The following JAKMIP3 variants were observed in gnomAD, a reference collection of about 807,000 sequenced individuals.
JAKMIP3 encodes Janus kinase and microtubule interacting protein 3.
JAKMIP3 carries 58 observed loss-of-function variants against 118.5 expected under a neutral mutation model. That is an observed-to-expected ratio of 0.49 (90% CI 0.40 to 0.61). The LOEUF is 0.61. Ranked by LOEUF, JAKMIP3 falls within the 20% of genes least tolerant of loss-of-function variation. The probability of loss-of-function intolerance (pLI) is 0.00; values close to 1 mark genes in which losing one functional copy is unlikely to be tolerated. For missense variants in JAKMIP3, 950 were observed against 1,109.0 expected (o/e 0.86, Z 2.04); for synonymous variants, 486 against 451.2 (o/e 1.08, Z -0.98).
At position 132,149,555 on chromosome 10, in the gene JAKMIP3, C is replaced by T. The variant is rs768941665; in HGVS notation, c.1947+45C>T. 3.6e-5 allele frequency: 31 copies of T among 865,114 alleles called. 2 individuals carry two copies. Among genetic ancestry groups the T allele is most frequent in the African/African-American group, 3.0e-4 (13 of 42,768 alleles). 53.6% of individuals were successfully genotyped at this position (865,114 alleles called of 1,614,324 possible). On this transcript the variant is annotated intron_variant, in intron 15 of 23. Coordinates refer to ENST00000684848, the MANE Select transcript of JAKMIP3 (RefSeq NM_001323087.2). ...CCCACTCCGCCCCCACCTCACCCATCCCCCGCCCCACCCCCTCTCCGCCCC... is the reference window on the plus strand; with the variant it reads ...CCCACTCCGCCCCCACCTCACCCATTCCCCGCCCCACCCCCTCTCCGCCCC...
intron 1 of JAKMIP3, 103 bp from the exon 2 acceptor site, chr10:132,104,569 T>G: frequency 1.8e-6 from 1 of 541,746 alleles, no homozygotes; most frequent in African/African-American, 1.9e-5. Context: ...AGCACTGCAA[T>G]GAGGTGGGGG....
intron 3 of JAKMIP3, among the ~76,000 whole-genome samples, chr10:132,125,101 G>A (rs921467804): frequency 4.6e-5 from 7 of 152,200 alleles, no homozygotes; most frequent in South Asian, 4.1e-4. Context: ...CCGATTTGTC[G>A]GTTTCTTTTG....
At chr10:132,045,954 ACACT>A (rs1312112693) in intron 1 of JAKMIP3, among the ~76,000 whole-genome samples, 4 of 148,962 alleles carry the variant, frequency 2.7e-5, no homozygotes, top group African/African-American at 7.4e-5. Flanking sequence ...AAAAATACAC[ACACT>A]CTTTATATTC....
chr10:132,100,187 A>ACCCCCACGCACG (rs1564895779), intron 1 of JAKMIP3, among the ~76,000 whole-genome samples: 2 of 151,140 alleles, frequency 1.3e-5, no homozygotes, highest in Admixed American at 6.6e-5. Flanking sequence ...CCCCCCGCAC[A>ACCCCCACGCACG]GACCCCCACA....
chr10:132,080,501 GGATTTTTTTT>G (rs2134186992), intron 1 of JAKMIP3, among the ~76,000 whole-genome samples: 1 of 105,080 alleles, frequency 9.5e-6, no homozygotes, highest in Non-Finnish European at 1.9e-5. Context: ...TCAAGTTATA[GGATTTTTTTT>G]TTTTTTTTTT....
At position 132,090,263 on chromosome 10, in the gene JAKMIP3, T is replaced by G. The variant is rs1188864004; in HGVS notation, c.-137-14409T>G. On this transcript the variant is annotated intron_variant, in intron 1 of 23. Transcript: ENST00000684848. Reference sequence around the variant, plus strand: ...GAGGATTCCCTCTTTTTCTGTTGATTGGAATAGTTTCGGAAAGAATGGTAC... The same window carrying G: ...GAGGATTCCCTCTTTTTCTGTTGATGGGAATAGTTTCGGAAAGAATGGTAC... Among the ~76,000 whole-genome samples, 5 of 152,394 alleles carry G rather than the reference T, an allele frequency of 3.3e-5. No homozygotes were observed. The East Asian group carries it at 7.7e-4, about 23-fold the overall frequency.
chr10:132,068,501 C>T (rs2039291379), intron 1 of JAKMIP3, among the ~76,000 whole-genome samples: 1 of 150,834 alleles, frequency 6.6e-6, no homozygotes, highest in Non-Finnish European at 1.5e-5. Flanking sequence ...GTTTCTTATC[C>T]ATGAACCTCT....
chr10:132,068,997 T>C (rs2039388762), intron 1 of JAKMIP3, among the ~76,000 whole-genome samples: 1 of 152,172 alleles, frequency 6.6e-6, no homozygotes, highest in Non-Finnish European at 1.5e-5. Flanking sequence ...TTGCAGACCT[T>C]ACTGGCCTTA....
intron 23 of JAKMIP3, among the ~76,000 whole-genome samples, chr10:132,171,706 C>A (rs529603817): frequency 7.1e-5 from 10 of 140,488 alleles, no homozygotes; most frequent in African/African-American, 2.7e-4. Context: ...GGCTGGAGTT[C>A]AGTGGCGCGA....
chr10:132,140,331 T>A, intron 9 of JAKMIP3, 120 bp from the exon 10 acceptor site: 1 of 1,397,878 alleles, frequency 7.2e-7, no homozygotes, highest in Non-Finnish European at 9.9e-7. Context: ...GGGACAGAGA[T>A]GGGAGTGTGT....
In JAKMIP3 at chr10:132,074,033, C is replaced by A. The variant is rs149381298; in HGVS notation, c.-138+7972C>A. 4.9e-3 allele frequency among the ~76,000 whole-genome samples: 753 copies of A among 152,200 alleles called. 4 individuals carry two copies. The highest frequency in any genetic ancestry group is 0.017 in the African/African-American group (725 of 41,526). Reference sequence around the variant, plus strand: ...CTTTTGTCTGCATCCTCACCAACATCTGCTATTTTTTGACTTTTGTTTTGT... The same window carrying A: ...CTTTTGTCTGCATCCTCACCAACATATGCTATTTTTTGACTTTTGTTTTGT... On this transcript the variant is annotated intron_variant, in intron 1 of 23. Transcript: ENST00000684848.
rs180949132 is a variant in JAKMIP3, at chr10:132,157,052, G to A, written c.2220+3062G>A. On this transcript the variant is annotated intron_variant, in intron 19 of 23. Transcript: ENST00000684848. ...ATACACATAGTATCTTTGCAAAAGC[G>A]CGGTCCCCATGCTTATCTGAGGCTT... 1.1e-4 allele frequency among the ~76,000 whole-genome samples: 17 copies of A among 152,124 alleles called. No homozygotes were observed. In the East Asian group the frequency reaches 1.9e-3, roughly 17 times the overall value.
At position 132,164,864 on chromosome 10, in the gene JAKMIP3, G is replaced by T; in HGVS notation, c.2490+129G>T. On this transcript the variant is annotated intron_variant, in intron 21 of 23. Coordinates refer to ENST00000684848, the MANE Select transcript of JAKMIP3 (RefSeq NM_001323087.2). The stretch of plus-strand genomic sequence containing the variant: ...ACTTCGCTCCCAACAGCAGCGGGAA[G>T]CGGCCGCCTGGAGGCCTGAAGGCTG... 3 of 672,546 alleles carry T rather than the reference G, an allele frequency of 4.5e-6. No individual in the cohort carries two copies. The South Asian group carries it at 5.5e-5, about 12-fold the overall frequency. The allele number at this position is 672,546 out of a possible 1,614,324, so 41.7% of individuals were successfully genotyped here.
intron 1 of JAKMIP3, among the ~76,000 whole-genome samples, chr10:132,086,009 A>G (rs2042352273): frequency 6.6e-6 from 1 of 152,108 alleles, no homozygotes; most frequent in Non-Finnish European, 1.5e-5. Context: ...GTTTAGGGCT[A>G]TGAACTTTCC....
intron 1 of JAKMIP3, among the ~76,000 whole-genome samples, chr10:132,077,436 G>A (rs149043211): frequency 5.9e-5 from 9 of 152,180 alleles, no homozygotes; most frequent in African/African-American, 1.7e-4. Flanking sequence ...CAGGGGGCCC[G>A]AAGAGTCCTC....
chr10:132,121,323 G>C (rs1232113965), intron 3 of JAKMIP3, among the ~76,000 whole-genome samples: 1 of 152,196 alleles, frequency 6.6e-6, no homozygotes, highest in Non-Finnish European at 1.5e-5. Context: ...CTAGGTGGGC[G>C]ACGGAGGCCT....
At chr10:132,159,648 C>CGTG (rs2057707748) in intron 19 of JAKMIP3, among the ~76,000 whole-genome samples, 3 of 70,716 alleles carry the variant, frequency 4.2e-5, no homozygotes, top group African/African-American at 1.1e-4. Context: ...GCTGGGGGGC[C>CGTG]TCTCCCTGTG....
chr10:132,107,434 C>T (rs1319214089), intron 2 of JAKMIP3, among the ~76,000 whole-genome samples: 2 of 152,202 alleles, frequency 1.3e-5, no homozygotes, highest in Non-Finnish European at 2.9e-5. Context: ...CCCAGACCCG[C>T]TGGGCACCCT....
chr10:132,076,472 C>T (rs1469461835), intron 1 of JAKMIP3, among the ~76,000 whole-genome samples: 1 of 152,264 alleles, frequency 6.6e-6, no homozygotes, highest in Non-Finnish European at 1.5e-5. Flanking sequence ...CGTGAACATA[C>T]CTGTGTGTGT....
Sources: allele counts gnomAD v4.1 joint callset (sites outside exome capture counted in the v4.1 genomes callset), GRCh38; gene constraint gnomAD v4.1.1; transcripts MANE v1.5; gene names NCBI Gene and HGNC (gene_info 2026-07-23, HGNC 2026-07-21).